CPQ: variants seen among roughly 807,000 people sequenced by gnomAD.
CPQ encodes carboxypeptidase Q.
A neutral mutation model predicts 45.7 loss-of-function variants in CPQ; 37 were observed. The observed-to-expected ratio is 0.81, with a 90% CI of 0.62 to 1.07. The LOEUF is 1.07. Ranked by LOEUF, CPQ falls within the 50% of genes least tolerant of loss-of-function variation. The pLI is 0.00. For synonymous variants in CPQ, 186 were observed against 205.8 expected, an observed-to-expected ratio of 0.90 and a Z score of 0.82; for missense variants, 537 against 572.9, an observed-to-expected ratio of 0.94 and a Z score of 0.64.
chr8:96,780,125 T>C (rs1387211566), intron 1 of CPQ, among the ~76,000 whole-genome samples: 2 of 152,254 alleles, frequency 1.3e-5, no homozygotes, highest in South Asian at 2.1e-4. Context: ...AGTATAACAA[T>C]TGAAGGTGCA....
intron 1 of CPQ, among the ~76,000 whole-genome samples, chr8:96,727,881 T>G (rs968494754): frequency 6.6e-6 from 1 of 152,186 alleles, no homozygotes; most frequent in African/African-American, 2.4e-5. Flanking sequence ...TTAACTGAAA[T>G]CTCTTGACCT....
intron 2 of CPQ, 71 bp downstream of exon 2, chr8:96,785,401 A>G (rs771337147): frequency 5.1e-5 from 61 of 1,198,394 alleles, no homozygotes; most frequent in Non-Finnish European, 7.0e-5. Context: ...TGAGTACAAT[A>G]TGCATGATTC....
chr8:96,886,129 C>T (rs1812304207), intron 4 of CPQ, among the ~76,000 whole-genome samples: 1 of 152,188 alleles, frequency 6.6e-6, no homozygotes, highest in Admixed American at 6.5e-5. Flanking sequence ...ATTCTCTCTC[C>T]ACTCTGACTT....
chr8:96,818,085 A>G (rs1216061166), intron 2 of CPQ, among the ~76,000 whole-genome samples: 2 of 152,002 alleles, frequency 1.3e-5, no homozygotes, highest in African/African-American at 4.8e-5. Context: ...CTCCTTTCAC[A>G]TGAACACTAA....
intron 2 of CPQ, among the ~76,000 whole-genome samples, chr8:96,808,761 T>C (rs1811118626): frequency 6.6e-6 from 1 of 152,168 alleles, no homozygotes; most frequent in Non-Finnish European, 1.5e-5. Flanking sequence ...GTGACCAACA[T>C]TGTTAACTTC....
intron 4 of CPQ, among the ~76,000 whole-genome samples, chr8:96,940,814 T>A (rs1356269128): frequency 1.3e-5 from 2 of 152,220 alleles, no homozygotes; most frequent in Non-Finnish European, 2.9e-5. Flanking sequence ...TCTTCTTTGG[T>A]AATTTAATAC....
intron 4 of CPQ, among the ~76,000 whole-genome samples, chr8:96,923,646 G>A (rs989853573): frequency 6.6e-6 from 1 of 152,064 alleles, no homozygotes; most frequent in Non-Finnish European, 1.5e-5. Context: ...TATTCTCAAA[G>A]CACCATTTCC....
intron 5 of CPQ, among the ~76,000 whole-genome samples, chr8:97,012,411 G>A (rs1809504002): frequency 6.6e-6 from 1 of 152,166 alleles, no homozygotes; most frequent in Non-Finnish European, 1.5e-5. Context: ...TCTTGAAATG[G>A]TGACTACACA....
chr8:96,991,008 G>C (rs1046511550), intron 5 of CPQ, among the ~76,000 whole-genome samples: 3 of 152,148 alleles, frequency 2.0e-5, no homozygotes, highest in African/African-American at 7.2e-5. Context: ...AATCTACTCA[G>C]TCTTTTCCCA....
At chr8:96,679,099 AC>A (rs1809114616) in intron 1 of CPQ, among the ~76,000 whole-genome samples, 1 of 151,810 alleles carries the variant, frequency 6.6e-6, no homozygotes, top group East Asian at 1.9e-4. Flanking sequence ...GTAGGGGTCT[AC>A]TCTCATTCTT....
intron 1 of CPQ, among the ~76,000 whole-genome samples, chr8:96,711,552 G>A (rs918034466): frequency 6.6e-6 from 1 of 152,122 alleles, no homozygotes; most frequent in African/African-American, 2.4e-5. Context: ...CATGGGAGAA[G>A]GAAAAGAAAA....
intron 3 of CPQ, among the ~76,000 whole-genome samples, chr8:96,847,707 C>T (rs1194889172): frequency 1.3e-5 from 2 of 151,966 alleles, no homozygotes; most frequent in African/African-American, 4.8e-5. Context: ...TTTACAATTG[C>T]CAATGTATAG....
intron 1 of CPQ, among the ~76,000 whole-genome samples, chr8:96,782,957 C>T (rs1360499918): frequency 6.6e-6 from 1 of 152,092 alleles, no homozygotes. Flanking sequence ...CATCTGAGAC[C>T]TCATCAGAAT....
chr8:97,075,432 C>T (rs1009433471), intron 7 of CPQ, among the ~76,000 whole-genome samples: 1 of 152,122 alleles, frequency 6.6e-6, no homozygotes, highest in Non-Finnish European at 1.5e-5. Flanking sequence ...TGGGTAGCTA[C>T]AGTGTATATA....
intron 1 of CPQ, among the ~76,000 whole-genome samples, chr8:96,664,218 G>A (rs933013788): frequency 5.3e-5 from 8 of 152,142 alleles, no homozygotes; most frequent in African/African-American, 1.9e-4. Context: ...AGAAAAATTA[G>A]ATAATTGGTA....
At chr8:96,685,352 T>C (rs971880715) in intron 1 of CPQ, among the ~76,000 whole-genome samples, 2 of 152,172 alleles carry the variant, frequency 1.3e-5, no homozygotes, top group Non-Finnish European at 2.9e-5. Flanking sequence ...TTAATGGTAC[T>C]TTAAGGGTTC....
chr8:96,673,341 C>G (rs943183145), intron 1 of CPQ, among the ~76,000 whole-genome samples: 1 of 152,052 alleles, frequency 6.6e-6, no homozygotes, highest in Non-Finnish European at 1.5e-5. Flanking sequence ...TTGGTTACAT[C>G]CTACATAAAT....
intron 1 of CPQ, among the ~76,000 whole-genome samples, chr8:96,767,724 G>A (rs1440495476): frequency 3.0e-5 from 4 of 134,366 alleles, no homozygotes; most frequent in Non-Finnish European, 6.1e-5. Context: ...GCTCACTGCT[G>A]CCGATGCTTC....
At position 96,871,286 on chromosome 8, in the gene CPQ, T is replaced by C. The variant is rs1207506255; in HGVS notation, c.642-8512T>C. Among the ~76,000 whole-genome samples, 12 of 151,982 alleles carry C rather than the reference T, an allele frequency of 7.9e-5. No homozygotes were observed. The South Asian group carries it at 2.5e-3, about 31-fold the overall frequency. On this transcript the variant is annotated intron_variant, in intron 3 of 7. Coordinates refer to ENST00000220763, the MANE Select transcript of CPQ (RefSeq NM_016134.4). ...AACATTAACAGATGTATTGGAAGAG[T>C]CCTTGAATACACATGTGATTGATAT...
Sources: allele counts gnomAD v4.1 joint callset (sites outside exome capture counted in the v4.1 genomes callset), GRCh38; gene constraint gnomAD v4.1.1; transcripts MANE v1.5; gene names NCBI Gene and HGNC (gene_info 2026-07-23, HGNC 2026-07-21).